SYNE2: variants seen among roughly 807,000 people sequenced by gnomAD.
SYNE2 encodes the protein spectrin repeat containing nuclear envelope protein 2.
Under a neutral mutation model 856.3 loss-of-function variants are expected in SYNE2, and 431 were observed. The observed-to-expected ratio is 0.50, with a 90% CI of 0.47 to 0.55. The LOEUF (loss-of-function observed/expected upper bound fraction) is 0.55, where lower values mean the gene tolerates loss of function less well. Among genes scored for constraint, SYNE2 ranks in the 20% least tolerant of loss-of-function variants. The pLI, the probability that SYNE2 is intolerant of heterozygous loss-of-function variation, is 0.00. For synonymous variants in SYNE2, 2,923 were observed against 2,872.3 expected, an observed-to-expected ratio of 1.02 and a Z score of -0.56; for missense variants, 8,129 against 8,023.2, an observed-to-expected ratio of 1.01 and a Z score of -0.50.
At chr14:64,105,246 C>T (rs1453901218) in intron 64 of SYNE2, among the ~76,000 whole-genome samples, 6 of 152,188 alleles carry the variant, frequency 3.9e-5, no homozygotes, top group Non-Finnish European at 7.3e-5. Flanking sequence ...TAAAACCAAT[C>T]ATGCGAAACC....
Position 64,210,046 on chromosome 14 carries a change from G to A in SYNE2, c.18645G>A (p.Leu6215=). 6.2e-7 allele frequency: 1 copy of A among 1,614,158 alleles called. No individual in the cohort carries two copies. Among genetic ancestry groups the A allele is most frequent in the Non-Finnish European group, 8.5e-7 (1 of 1,180,040 alleles). The change falls in exon 103 of 116, where the codon CTG becomes CTA. Residue 6215 remains leucine, a synonymous_variant. Transcript: ENST00000555002. ...ACCGCACAGACACGGCCAGCAGGCT[G>A]AAGCAGATGGTCCACGAGGGCAACC... ...RENRTDTASR[L]KQMVHEGNQR...
At chr14:64,193,585 T>C (rs995998812) in intron 99 of SYNE2, among the ~76,000 whole-genome samples, 5 of 151,784 alleles carry the variant, frequency 3.3e-5, no homozygotes, top group Non-Finnish European at 7.4e-5. Context: ...CCTACATAGG[T>C]ACCCGGCCTT....
chr14:63,814,535 A>T (rs1262485822), intron 1 of SYNE2, among the ~76,000 whole-genome samples: 1 of 140,412 alleles, frequency 7.1e-6, no homozygotes, highest in Non-Finnish European at 1.5e-5. Flanking sequence ...ATATCCATAT[A>T]TAATATATAT....
intron 80 of SYNE2, 138 bp downstream of exon 80, chr14:64,140,211 T>G: frequency 2.5e-6 from 2 of 795,868 alleles, no homozygotes; most frequent in Non-Finnish European, 4.2e-6. Context: ...AGCTGTGTTC[T>G]TCAAACCTAG....
Position 64,115,695 on chromosome 14 carries a change from T to C in SYNE2, c.12840+2124T>C, listed in dbSNP as rs369936110. ...TTTGAACTTACTGCTTCTGACCTGC[T>C]TTGAAGAAAAACCACATGGGGCCAA... On this transcript the variant is annotated intron_variant, in intron 66 of 115. Transcript: ENST00000555002. 1.7e-4 allele frequency among the ~76,000 whole-genome samples: 26 copies of C among 152,344 alleles called. 1 individual carries two copies. The highest frequency in any genetic ancestry group is 3.4e-3 in the Middle Eastern group (1 of 294).
rs938735293 is a variant in SYNE2, at chr14:64,220,619, G to A, written c.20043G>A (p.Gln6681=). 2.5e-6 allele frequency: 4 copies of A among 1,613,900 alleles called. No individual in the cohort carries two copies. Among genetic ancestry groups the A allele is most frequent in the Non-Finnish European group, 3.4e-6 (4 of 1,180,030 alleles). ...AVDSWRGGLR[Q]SLMQCQDFHQ... ...ACAGCTGGAGAGGGGGCTTACGACAGTCGCTCATGCAGTGCCAGGTACGCT... is the reference window on the plus strand; with the variant it reads ...ACAGCTGGAGAGGGGGCTTACGACAATCGCTCATGCAGTGCCAGGTACGCT... Residue 6681 remains glutamine (Q), a synonymous_variant, in exon 111 of 116, where the codon CAG becomes CAA. Coordinates refer to ENST00000555002, the MANE Select transcript of SYNE2 (RefSeq NM_182914.3).
rs372977103 is a variant in SYNE2, at chr14:63,915,080, A to G, written c.79+5853A>G. Among the ~76,000 whole-genome samples, 29 of 152,294 alleles carry G rather than the reference A, an allele frequency of 1.9e-4. No individual in the cohort carries two copies. The South Asian group carries it at 6.0e-3, about 32-fold the overall frequency. On this transcript the variant is annotated intron_variant, in intron 2 of 115. Transcript: ENST00000555002. ...TGGCATGAGCCACTGTGCCTGGCCT[A>G]TTTAGTGTGTTTTTATGAGGCAAGA...
intron 1 of SYNE2, among the ~76,000 whole-genome samples, chr14:63,853,477 G>C (rs1890904823): frequency 6.6e-6 from 1 of 151,678 alleles, no homozygotes; most frequent in Non-Finnish European, 1.5e-5. Flanking sequence ...TCGGGCAGGC[G>C]CTGCGCGGGA....
At chr14:64,148,556 C>T (rs1426302201) in intron 84 of SYNE2, among the ~76,000 whole-genome samples, 1 of 152,140 alleles carries the variant, frequency 6.6e-6, no homozygotes, top group African/African-American at 2.4e-5. Context: ...CACAGGTTCT[C>T]CTCTATGTTT....
chr14:64,056,328 A>G (rs2097268354), intron 49 of SYNE2, 62 bp downstream of exon 49: 4 of 1,413,850 alleles, frequency 2.8e-6, no homozygotes, highest in Non-Finnish European at 3.9e-6. Flanking sequence ...ATATAATTAA[A>G]CTATATTTTA....
Position 64,049,705 on chromosome 14 carries a change from T to G in SYNE2, c.7472T>G (p.Leu2491Arg). ...LNKTETGALV[L>R]HNIGYSAQHL... is the part of the protein sequence containing the mutation. Reference sequence around the variant, plus strand: ...AAAACAGAAACTGGGGCCTTGGTTCTCCACAATATAGGATATTCGGCACAG... The same window carrying G: ...AAAACAGAAACTGGGGCCTTGGTTCGCCACAATATAGGATATTCGGCACAG... The change falls in exon 47 of 116, where the codon CTC (leucine) becomes CGC (arginine). Residue 2491 changes from leucine (L) to arginine (R), a missense_variant. This residue lies in a region of SYNE2 where 5,410 missense variants were observed against 5,284.8 expected (regional missense o/e 1.02). Transcript: ENST00000555002. 1 of 1,614,166 alleles carries G rather than the reference T, an allele frequency of 6.2e-7. No homozygotes were observed. Among genetic ancestry groups the G allele is most frequent in the Non-Finnish European group, 8.5e-7 (1 of 1,180,020 alleles).
intron 32 of SYNE2, among the ~76,000 whole-genome samples, chr14:64,014,157 G>A (rs1465306733): frequency 1.3e-5 from 2 of 152,078 alleles, no homozygotes; most frequent in African/African-American, 2.4e-5. Context: ...TTTTCACATA[G>A]CATTATTCTG....
At chr14:63,908,431 C>T (rs577832218) in intron 1 of SYNE2, among the ~76,000 whole-genome samples, 1 of 152,182 alleles carries the variant, frequency 6.6e-6, no homozygotes, top group Non-Finnish European at 1.5e-5. Flanking sequence ...TAAATAAATA[C>T]ATGAAGCAAT....
At chr14:64,000,896 A>G (rs766825249) in intron 28 of SYNE2, among the ~76,000 whole-genome samples, 177 bp downstream of exon 28, 2 of 152,236 alleles carry the variant, frequency 1.3e-5, no homozygotes, top group African/African-American at 2.4e-5. Context: ...ATACTCAGAG[A>G]GGTTAAATAT....
chr14:64,158,084 C>T (rs1032945189), intron 85 of SYNE2, among the ~76,000 whole-genome samples: 1 of 152,190 alleles, frequency 6.6e-6, no homozygotes, highest in Non-Finnish European at 1.5e-5. Flanking sequence ...CTGCTTTGCA[C>T]TTGCCCATCA....
chr14:63,802,449 C>A (rs1436800510), intron 1 of SYNE2, among the ~76,000 whole-genome samples: 1 of 152,090 alleles, frequency 6.6e-6, no homozygotes, highest in Non-Finnish European at 1.5e-5. Flanking sequence ...GCAGAAAGAA[C>A]TTCCCTTATG....
intron 1 of SYNE2, among the ~76,000 whole-genome samples, chr14:63,780,830 A>T (rs147738093): frequency 1.3e-5 from 2 of 152,298 alleles, no homozygotes; most frequent in East Asian, 3.9e-4. Context: ...AGAACAGGGA[A>T]CACTTATCTG....
chr14:63,865,693 CAA>C (rs1895014948), intron 1 of SYNE2, among the ~76,000 whole-genome samples: 1 of 95,660 alleles, frequency 1.0e-5, no homozygotes, highest in Non-Finnish European at 2.2e-5. Context: ...GCCTGGGCAA[CAA>C]GAGCAAAACT....
intron 2 of SYNE2, among the ~76,000 whole-genome samples, chr14:63,938,789 A>G (rs556313676): frequency 6.6e-6 from 1 of 152,174 alleles, no homozygotes; most frequent in Admixed American, 6.5e-5. Context: ...GATTTTGCTG[A>G]TGGCACACCA....
Sources: allele counts gnomAD v4.1 joint callset (sites outside exome capture counted in the v4.1 genomes callset), GRCh38; gene constraint gnomAD v4.1.1; regional missense constraint gnomAD v4.1.1; transcripts MANE v1.5; gene names NCBI Gene and HGNC (gene_info 2026-07-23, HGNC 2026-07-21).